The following ZFYVE21 variants were observed in gnomAD, a reference collection of about 807,000 sequenced individuals.
ZFYVE21 encodes the protein zinc finger FYVE domain-containing protein 21.
A neutral mutation model predicts 29.5 loss-of-function variants in ZFYVE21; 21 were observed. That is an observed-to-expected ratio of 0.71 (90% CI 0.50 to 1.02). ZFYVE21 has a LOEUF of 1.02. ZFYVE21 is among the 50% of genes least tolerant of loss of function. The pLI is 0.00. For missense variants in ZFYVE21, 326 were observed against 335.4 expected (o/e 0.97, Z 0.22); for synonymous variants, 151 against 133.8 (o/e 1.13, Z -0.89).
At chr14:103,730,057 TTC>T in intron 5 of ZFYVE21, 1 of 610,468 alleles carries the variant, frequency 1.6e-6, no homozygotes, top group Non-Finnish European at 2.8e-6. Flanking sequence ...ACTTTCTCAG[TTC>T]TGTCTCAGCG....
chr14:103,732,703 G>A lies in ZFYVE21; in HGVS notation c.610G>A (p.Val204Met). Residue 204 changes from valine (V) to methionine (M), a missense_variant, in exon 6 of 7, where the codon GTG (valine) becomes ATG (methionine). Transcript: ENST00000311141. ...EGVTQLKLTV[V>M]EDVTVGRRQA... ...TGTGACCCAGCTGAAGCTGACAGTG[G>A]TGGAGGACGTGACTGTGGGCAGGAG... 2 of 1,613,694 alleles carry A rather than the reference G, an allele frequency of 1.2e-6. No homozygotes were observed. Among genetic ancestry groups the A allele is most frequent in the South Asian group, 1.1e-5 (1 of 91,048 alleles).
At position 103,733,170 on chromosome 14, in the gene ZFYVE21, C is replaced by G; in HGVS notation, c.*152C>G. The G allele has an allele frequency of 1.1e-6, 1 of 931,466 alleles. No homozygotes were observed. Among genetic ancestry groups the G allele is most frequent in the African/African-American group, 1.6e-5 (1 of 60,726 alleles). The allele number at this position is 931,466 out of a possible 1,614,324, so 57.7% of individuals were successfully genotyped here. ...GTATTTGGAGAAACAGGAGTGTTCA[C>G]TTATCTAGTGCAATATGTTCACAGT... On this transcript the variant is annotated 3_prime_UTR_variant, in exon 7 of 7. Coordinates refer to ENST00000311141, the MANE Select transcript of ZFYVE21 (RefSeq NM_024071.4).
Position 103,732,600 on chromosome 14 carries a change from A to T in ZFYVE21, c.527-20A>T, listed in dbSNP as rs1359797879. On this transcript the variant is annotated intron_variant, in intron 5 of 6. Transcript: ENST00000311141. ...CTCAGGGCCTCCTTTGGGCCGTCTT[A>T]CCTCGTCTCTCTCCTCCAGGAGGCA... 1 of 1,548,638 alleles carries T rather than the reference A, an allele frequency of 6.5e-7. No homozygotes were observed. The highest frequency in any genetic ancestry group is 1.2e-5 in the South Asian group (1 of 81,008).
chr14:103,732,674 AG>A lies in ZFYVE21; in HGVS notation c.584del (p.Gly195ValfsTer2). On this transcript the variant is annotated frameshift_variant, in exon 6 of 7. Coordinates refer to ENST00000311141, the MANE Select transcript of ZFYVE21 (RefSeq NM_024071.4). LOFTEE classifies it high-confidence loss of function. ...CTGCAGTATACAGTGCCGGGGACGG[AG>A]GGTGTGACCCAGCTGAAGCTGACAG... The part of the protein sequence containing the change: ...MFLQYTVPGT[E>X]GVTQLKLTVV... 1.9e-6 allele frequency: 3 copies of A among 1,612,106 alleles called. No individual in the cohort carries two copies. Among genetic ancestry groups the A allele is most frequent in the Non-Finnish European group, 2.5e-6 (3 of 1,179,290 alleles).
intron 1 of ZFYVE21, chr14:103,724,642 G>T (rs967442511): frequency 1.3e-5 from 2 of 152,226 alleles, no homozygotes; most frequent in South Asian, 4.1e-4. Context: ...TTAGAACATG[G>T]ATGATTCTTG....
At chr14:103,721,465 C>G (rs997825083) in intron 1 of ZFYVE21, among the ~76,000 whole-genome samples, 14 of 152,226 alleles carry the variant, frequency 9.2e-5, no homozygotes, top group African/African-American at 3.4e-4. Context: ...CGGAGGCCTC[C>G]CATGGAGGTG....
At chr14:103,728,321 G>A (rs1234321030) in intron 3 of ZFYVE21, among the ~76,000 whole-genome samples, 1 of 152,196 alleles carries the variant, frequency 6.6e-6, no homozygotes, top group Admixed American at 6.5e-5. Flanking sequence ...ACCTGGTGTG[G>A]GAGAAGGGCA....
chr14:103,723,953 C>T lies in ZFYVE21; in HGVS notation c.139-2839C>T, dbSNP rs896060566. ...GGTGGCGGGGACATGGTGAGGGTGG[C>T]GGCTGTGATGGCACCGCATCAGAGC... On this transcript the variant is annotated intron_variant, in intron 1 of 6. Coordinates refer to ENST00000311141, the MANE Select transcript of ZFYVE21 (RefSeq NM_024071.4). 5.9e-5 allele frequency among the ~76,000 whole-genome samples: 9 copies of T among 152,302 alleles called. No homozygotes were observed. The Middle Eastern group carries it at 0.017, about 288-fold the overall frequency.
At chr14:103,721,980 G>A (rs893457767) in intron 1 of ZFYVE21, among the ~76,000 whole-genome samples, 1 of 152,214 alleles carries the variant, frequency 6.6e-6, no homozygotes. Flanking sequence ...TGGTTTCTGG[G>A]CTTTGGTGTA....
intron 5 of ZFYVE21, 70 bp downstream of exon 5, chr14:103,729,252 G>A: frequency 6.5e-7 from 1 of 1,532,082 alleles, no homozygotes; most frequent in Non-Finnish European, 9.0e-7. Flanking sequence ...AGAGGAGCAT[G>A]CACTTTTGGG....
At chr14:103,718,506 G>C (rs1468872505) in intron 1 of ZFYVE21, among the ~76,000 whole-genome samples, 1 of 152,252 alleles carries the variant, frequency 6.6e-6, no homozygotes, top group Admixed American at 6.5e-5. Context: ...GCCTCCTCAG[G>C]AACCTGTGGG....
At chr14:103,719,917 A>G (rs937391165) in intron 1 of ZFYVE21, among the ~76,000 whole-genome samples, 1 of 152,076 alleles carries the variant, frequency 6.6e-6, no homozygotes, top group African/African-American at 2.4e-5. Context: ...AGCCACAAAA[A>G]AGGATTCCTG....
chr14:103,732,533 G>A, intron 5 of ZFYVE21, 87 bp from the exon 6 acceptor site: 1 of 1,464,250 alleles, frequency 6.8e-7, no homozygotes, highest in South Asian at 1.4e-5. Flanking sequence ...ACAAGGTTAG[G>A]ATGTGCTGGC....
intron 1 of ZFYVE21, among the ~76,000 whole-genome samples, chr14:103,720,963 T>C (rs1421216324): frequency 6.6e-6 from 1 of 151,970 alleles, no homozygotes; most frequent in East Asian, 1.9e-4. Context: ...GCTGGGACCA[T>C]AGGTACCCGC....
rs118085328 is a variant in ZFYVE21, at chr14:103,728,239, T to C, written c.358+325T>C. The C allele has an allele frequency of 9.9e-4, 298 of 300,126 alleles. 4 individuals carry two copies. The East Asian group carries it at 0.018, about 18-fold the overall frequency. The allele number at this position is 300,126 out of a possible 1,614,324, so 18.6% of individuals were successfully genotyped here. ...GGCGCTCGGGCGTTTGCAACCACTGTGGCTCCTCGGAGGGGCCGGAGACCT... is the reference window on the plus strand; with the variant it reads ...GGCGCTCGGGCGTTTGCAACCACTGCGGCTCCTCGGAGGGGCCGGAGACCT... On this transcript the variant is annotated intron_variant, in intron 3 of 6. Transcript: ENST00000311141.
intron 1 of ZFYVE21, among the ~76,000 whole-genome samples, chr14:103,721,735 T>C (rs2083874344): frequency 1.3e-5 from 2 of 152,286 alleles, no homozygotes; most frequent in African/African-American, 4.8e-5. Flanking sequence ...ACCTCTGGCC[T>C]CGTGGCCCTC....
chr14:103,729,571 C>A (rs2083956717), intron 5 of ZFYVE21: 14 of 614,916 alleles, frequency 2.3e-5, no homozygotes, highest in Non-Finnish European at 3.9e-5. Context: ...AGCCCTCCTC[C>A]TGCAGGCGTC....
intron 5 of ZFYVE21, chr14:103,729,981 T>G: frequency 1.0e-6 from 1 of 996,936 alleles, no homozygotes; most frequent in Non-Finnish European, 1.4e-6. Flanking sequence ...TTTGGTTGAC[T>G]TAAGAGAGAT....
intron 1 of ZFYVE21, 121 bp from the exon 2 acceptor site, chr14:103,726,671 C>A: frequency 7.9e-7 from 1 of 1,273,714 alleles, no homozygotes; most frequent in Non-Finnish European, 1.1e-6. Context: ...CTGCCTGCCT[C>A]AGGCTGCTTG....
Sources: allele counts gnomAD v4.1 joint callset (sites outside exome capture counted in the v4.1 genomes callset), GRCh38; gene constraint gnomAD v4.1.1; transcripts MANE v1.5; gene names NCBI Gene and HGNC (gene_info 2026-07-23, HGNC 2026-07-21).